Variants in PPM1G observed in about 807,000 individuals in gnomAD.
PPM1G encodes the protein protein phosphatase, Mg2+/Mn2+ dependent 1G.
PPM1G carries 12 observed loss-of-function variants against 59.4 expected under a neutral mutation model. The observed-to-expected ratio is 0.20, with a 90% CI of 0.13 to 0.33. PPM1G has a LOEUF of 0.33. Ranked by LOEUF, PPM1G falls within the 10% of genes least tolerant of loss-of-function variation. PPM1G has a pLI of 1.00. For synonymous variants in PPM1G, 245 were observed against 251.9 expected, an observed-to-expected ratio of 0.97 and a Z score of 0.26; for missense variants, 392 against 681.3, an observed-to-expected ratio of 0.58 and a Z score of 4.73.
intron 1 of PPM1G, among the ~76,000 whole-genome samples, chr2:27,407,043 G>T (rs994977209): frequency 2.7e-5 from 4 of 148,604 alleles, no homozygotes; most frequent in Non-Finnish European, 4.4e-5. Flanking sequence ...TTGGCTCACT[G>T]CAACCTCCGC....
intron 1 of PPM1G, among the ~76,000 whole-genome samples, chr2:27,390,715 T>C (rs892758556): frequency 2.0e-5 from 3 of 152,236 alleles, no homozygotes; most frequent in Admixed American, 2.0e-4. Context: ...AAAGGTATAC[T>C]GTGTGATGCT....
Position 27,384,804 on chromosome 2 carries a change from T to C in PPM1G, c.694A>G (p.Ile232Val). The C allele has an allele frequency of 6.2e-7, 1 of 1,614,246 alleles. No homozygotes were observed. The highest frequency in any genetic ancestry group is 8.5e-7 in the Non-Finnish European group (1 of 1,180,042). Residue 232 changes from isoleucine (I) to valine (V), a missense_variant, in exon 5 of 10, where the codon ATT becomes GTT. By Grantham distance (29) the Ile-to-Val change is conservative (BLOSUM62 3). Transcript: ENST00000344034. The surrounding 1 kb of genome is among the most constrained non-coding windows in gnomAD (Gnocchi z 4.8). ...GAAGGCCCAGCCTCACCAGTGGGAATGCCAGGCTCACCAACTTGGCCTGCC... is the reference window on the plus strand; with the variant it reads ...GAAGGCCCAGCCTCACCAGTGGGAACGCCAGGCTCACCAACTTGGCCTGCC... ...TEAGQVGEPG[I>V]PTGEAGPSCS...
intron 1 of PPM1G, among the ~76,000 whole-genome samples, chr2:27,402,911 C>CAA (rs555918393): frequency 8.1e-6 from 1 of 123,350 alleles, no homozygotes; most frequent in Non-Finnish European, 1.7e-5. Context: ...CCTATCTCTA[C>CAA]AAAAAAAAAC....
intron 1 of PPM1G, chr2:27,392,979 G>A (rs1683952611): frequency 4.0e-6 from 6 of 1,511,034 alleles, no homozygotes; most frequent in Non-Finnish European, 5.4e-6. Flanking sequence ...TGGCCAGTTT[G>A]TGCAGTTCCA....
chr2:27,386,174 G>T lies in PPM1G; in HGVS notation c.276+20C>A. 6.3e-7 allele frequency: 1 copy of T among 1,590,742 alleles called. No homozygotes were observed. Among genetic ancestry groups the T allele is most frequent in the South Asian group, 1.1e-5 (1 of 90,518 alleles). Reference sequence around the variant, plus strand: ...GAAAAGCCTACACAAGTGAGGAATGGGCGGTGTAAGCAGACAGACCTTCTG... The same window carrying T: ...GAAAAGCCTACACAAGTGAGGAATGTGCGGTGTAAGCAGACAGACCTTCTG... On this transcript the variant is annotated intron_variant, in intron 3 of 9. Coordinates refer to ENST00000344034, the MANE Select transcript of PPM1G (RefSeq NM_177983.3).
In PPM1G at chr2:27,386,236, G is replaced by A. The variant is rs1380621481; in HGVS notation, c.234C>T (p.Ile78=). 1 of 1,613,902 alleles carries A rather than the reference G, an allele frequency of 6.2e-7. No individual in the cohort carries two copies. The highest frequency in any genetic ancestry group is 8.5e-7 in the Non-Finnish European group (1 of 1,179,864). The change falls in exon 3 of 10, where the codon ATC becomes ATT. Residue 78 remains isoleucine, a synonymous_variant. Coordinates refer to ENST00000344034, the MANE Select transcript of PPM1G (RefSeq NM_177983.3). The part of the protein sequence containing the change: ...ALYCAKYLPD[I]IKDQKAYKEG... ...CCTTGTAGGCCTTCTGATCTTTGATGATATCAGGAAGATATTTGGCACAGT... is the reference window on the plus strand; with the variant it reads ...CCTTGTAGGCCTTCTGATCTTTGATAATATCAGGAAGATATTTGGCACAGT...
At chr2:27,399,584 G>A (rs991756497) in intron 1 of PPM1G, among the ~76,000 whole-genome samples, 1 of 152,208 alleles carries the variant, frequency 6.6e-6, no homozygotes, top group African/African-American at 2.4e-5. Flanking sequence ...TGAGGCAGGA[G>A]AATCGCTTGA....
Position 27,383,574 on chromosome 2 carries a change from C to T in PPM1G, c.993G>A (p.Ala331=), listed in dbSNP as rs149149429. 2.2e-5 allele frequency: 35 copies of T among 1,613,736 alleles called. 1 individual carries two copies. The highest frequency in any genetic ancestry group is 5.0e-5 in the Admixed American group (3 of 59,904). The part of the protein sequence containing the change: ...EEPGSDSGTT[A]VVALIRGKQL... The stretch of plus-strand genomic sequence containing the variant: ...GCTTCCCTCGTATCAGGGCCACCAC[C>T]GCTGTTGTACCACTGTCAGAGCCAG... The change falls in exon 7 of 10, where the codon GCG becomes GCA. Residue 331 remains alanine (A), a synonymous_variant. Coordinates refer to ENST00000344034, the MANE Select transcript of PPM1G (RefSeq NM_177983.3). This position sits in a 1 kb window ranked among gnomAD's most constrained non-coding sequence, Gnocchi z 5.0.
At chr2:27,401,893 G>T (rs534426032) in intron 1 of PPM1G, among the ~76,000 whole-genome samples, 1 of 152,030 alleles carries the variant, frequency 6.6e-6, no homozygotes, top group South Asian at 2.1e-4. Flanking sequence ...CCCTTAAAAT[G>T]AATGAATTAT....
In PPM1G at chr2:27,393,345, T is replaced by C. The variant is rs531690856; in HGVS notation, c.121-6187A>G. 5.6e-6 allele frequency: 9 copies of C among 1,596,114 alleles called. No individual in the cohort carries two copies. In the South Asian group the frequency reaches 7.7e-5, roughly 14 times the overall value. ...GTCTTGGTGGTAGTTCTGGCGCACCTGCGAGGTAGACGCGGTCGTCATGCC... is the reference window on the plus strand; with the variant it reads ...GTCTTGGTGGTAGTTCTGGCGCACCCGCGAGGTAGACGCGGTCGTCATGCC... On this transcript the variant is annotated intron_variant, in intron 1 of 9. Transcript: ENST00000344034.
rs781526558 is a variant in PPM1G, at chr2:27,385,033, C to T, written c.465G>A (p.Glu155=). 5.0e-6 allele frequency: 8 copies of T among 1,613,562 alleles called. No individual in the cohort carries two copies. The South Asian group carries it at 8.8e-5, about 18-fold the overall frequency. Reference sequence around the variant, plus strand: ...AGTTCTGCCCGTAGCGTGTCAGCAGCTCTTCAATAGTCATGGTAGCCTCTT... The same window carrying T: ...AGTTCTGCCCGTAGCGTGTCAGCAGTTCTTCAATAGTCATGGTAGCCTCTT... The part of the protein sequence containing the change: ...LHEEATMTIE[E]LLTRYGQNCH... The change falls in exon 5 of 10, where the codon GAG becomes GAA. Residue 155 remains glutamate (E), a synonymous_variant. Transcript: ENST00000344034. The surrounding 1 kb of genome is among the most constrained non-coding windows in gnomAD (Gnocchi z 4.1).
intron 1 of PPM1G, among the ~76,000 whole-genome samples, chr2:27,403,209 T>C (rs1233568475): frequency 6.6e-6 from 1 of 152,010 alleles, no homozygotes; most frequent in East Asian, 1.9e-4. Flanking sequence ...TTTGGGAGGC[T>C]GAGGCGGGCA....
intron 1 of PPM1G, among the ~76,000 whole-genome samples, chr2:27,391,427 G>A (rs1179706258): frequency 6.6e-6 from 1 of 152,202 alleles, no homozygotes; most frequent in East Asian, 1.9e-4. Flanking sequence ...GCATTTGTCT[G>A]ATGATTAGAA....
In PPM1G at chr2:27,392,286, G is replaced by GTTTTTTTTTTTTTTT. The variant is rs70953857; in HGVS notation, c.121-5143_121-5129dup. ...TTACTTTGTTTTGTTGGTTTGTTTT[G>GTTTTTTTTTTTTTTT]TTTTTTTTTTTTTTTTTTTTTTTTG... is the stretch of plus-strand genomic sequence containing the variant. On this transcript the variant is annotated intron_variant, in intron 1 of 9. Coordinates refer to ENST00000344034, the MANE Select transcript of PPM1G (RefSeq NM_177983.3). Among the ~76,000 whole-genome samples, 13 of 70,408 alleles carry GTTTTTTTTTTTTTTT rather than the reference G, an allele frequency of 1.8e-4. 1 individual carries two copies. The highest frequency in any genetic ancestry group is 7.4e-4 in the African/African-American group (12 of 16,250). 46.2% of individuals were successfully genotyped at this position (70,408 alleles called of 152,430 possible). A position where few individuals can be genotyped will look rare whatever the true frequency, so the allele number is the denominator to read the frequency against.
chr2:27,400,459 C>T (rs1236034716), intron 1 of PPM1G, among the ~76,000 whole-genome samples: 1 of 151,072 alleles, frequency 6.6e-6, no homozygotes, highest in South Asian at 2.1e-4. Flanking sequence ...GATACATCAA[C>T]TGAAAAATAT....
chr2:27,385,991 A>C lies in PPM1G; in HGVS notation c.277-112T>G, dbSNP rs758520823. On this transcript the variant is annotated intron_variant, in intron 3 of 9. Transcript: ENST00000344034. This position sits in a 1 kb window ranked among gnomAD's most constrained non-coding sequence, Gnocchi z 4.1. ...AGTGTGAGCCACCACACTAAGAGAC[A>C]CTCACAGATAAAAACAGCTCAGAGG... 2.4e-5 allele frequency: 34 copies of C among 1,388,426 alleles called. No homozygotes were observed. The highest frequency in any genetic ancestry group is 4.4e-5 in the African/African-American group (3 of 68,848). The allele number at this position is 1,388,426 out of a possible 1,614,324, so 86.0% of individuals were successfully genotyped here.
chr2:27,389,731 A>G (rs1426441787), intron 1 of PPM1G, among the ~76,000 whole-genome samples: 2 of 152,204 alleles, frequency 1.3e-5, no homozygotes, highest in Non-Finnish European at 2.9e-5. Context: ...CTGGGAAGGT[A>G]GGCAGGAGGA....
chr2:27,393,687 C>T (rs906045855), intron 1 of PPM1G, among the ~76,000 whole-genome samples: 1 of 152,132 alleles, frequency 6.6e-6, no homozygotes, highest in Non-Finnish European at 1.5e-5. Context: ...CGGGTTCAAG[C>T]AATTCTCCTG....
chr2:27,381,821 G>A lies in PPM1G; in HGVS notation c.1435-16C>T, dbSNP rs766666378. The A allele has an allele frequency of 3.1e-6, 5 of 1,610,906 alleles. No individual in the cohort carries two copies. The highest frequency in any genetic ancestry group is 4.2e-6 in the Non-Finnish European group (5 of 1,178,878). On this transcript the variant is annotated splice_polypyrimidine_tract_variant and intron_variant, in intron 9 of 9. Transcript: ENST00000344034. ...GATCCAGCAGCTAAGAAAGGGATGGGGGTAGCTCAGCCACAGGGTTTGAAC... is the reference window on the plus strand; with the variant it reads ...GATCCAGCAGCTAAGAAAGGGATGGAGGTAGCTCAGCCACAGGGTTTGAAC...
Sources: allele counts gnomAD v4.1 joint callset (sites outside exome capture counted in the v4.1 genomes callset), GRCh38; gene constraint gnomAD v4.1.1; non-coding constraint Gnocchi (gnomAD v3.1); transcripts MANE v1.5; gene names NCBI Gene and HGNC (gene_info 2026-07-23, HGNC 2026-07-21).